The following AFF1 variants were observed in gnomAD, a reference collection of about 807,000 sequenced individuals.
AFF1 encodes the protein ALF transcription elongation factor 1.
Under a neutral mutation model 121.7 loss-of-function variants are expected in AFF1, and 48 were observed. That is an observed-to-expected ratio of 0.39 (90% CI 0.31 to 0.50). The LOEUF (loss-of-function observed/expected upper bound fraction) is 0.50. Among genes scored for constraint, AFF1 ranks in the 20% least tolerant of loss-of-function variants. AFF1 has a pLI of 0.76. For missense variants in AFF1, 1,523 were observed against 1,511.7 expected, an observed-to-expected ratio of 1.01 and a Z score of -0.12; for synonymous variants, 613 against 563.0, an observed-to-expected ratio of 1.09 and a Z score of -1.26.
chr4:87,128,964 A>T (rs930398866), intron 16 of AFF1, among the ~76,000 whole-genome samples: 1 of 152,200 alleles, frequency 6.6e-6, no homozygotes, highest in African/African-American at 2.4e-5. Flanking sequence ...TCTAAAACTT[A>T]TCTTGACATT....
At chr4:87,114,312 G>T in intron 11 of AFF1, 55 bp from the exon 12 acceptor site, 2 of 1,468,830 alleles carry the variant, frequency 1.4e-6, no homozygotes, top group Admixed American at 4.9e-5. Context: ...TAACACAAAA[G>T]AATAATTTGT....
chr4:87,100,742 A>G lies in AFF1; in HGVS notation c.1284-4886A>G, dbSNP rs188234394. On this transcript the variant is annotated intron_variant, in intron 8 of 20. Transcript: ENST00000395146. ...ACGATAAACTTGATTGAATACCTAT[A>G]TACAGTATTTAATAGACATGGTTTA... Among the ~76,000 whole-genome samples, 219 of 152,318 alleles carry G rather than the reference A, an allele frequency of 1.4e-3. 1 individual carries two copies. The highest frequency in any genetic ancestry group is 2.2e-3 in the Non-Finnish European group (153 of 68,026).
At chr4:87,077,868 GT>G (rs1178580567) in intron 4 of AFF1, among the ~76,000 whole-genome samples, 21 of 152,276 alleles carry the variant, frequency 1.4e-4, no homozygotes, top group African/African-American at 4.8e-4. Context: ...ATGTACCATA[GT>G]TTTCATAGTC....
intron 4 of AFF1, among the ~76,000 whole-genome samples, chr4:87,050,469 C>T (rs966331397): frequency 2.6e-5 from 4 of 152,188 alleles, no homozygotes; most frequent in African/African-American, 9.7e-5. Context: ...CCTTCATTCT[C>T]TAGCCACCTA....
chr4:87,131,976 A>G, intron 18 of AFF1, 112 bp downstream of exon 18: 3 of 1,011,766 alleles, frequency 3.0e-6, no homozygotes, highest in Non-Finnish European at 4.2e-6. Context: ...AAAGCAAGTC[A>G]GTACTTTGGT....
At chr4:86,967,337 G>C (rs1180363471) in intron 2 of AFF1, among the ~76,000 whole-genome samples, 9 of 152,130 alleles carry the variant, frequency 5.9e-5, no homozygotes, top group Admixed American at 5.9e-4. Flanking sequence ...CAAAACAGAA[G>C]TAAACCGTAG....
chr4:86,945,855 A>G (rs1019061214), intron 1 of AFF1, among the ~76,000 whole-genome samples: 2 of 152,176 alleles, frequency 1.3e-5, no homozygotes, highest in Non-Finnish European at 2.9e-5. Context: ...GCCCTTTTAA[A>G]TCTCCTGCTC....
intron 2 of AFF1, among the ~76,000 whole-genome samples, chr4:87,019,664 A>G (rs1578075495): frequency 6.6e-6 from 1 of 152,250 alleles, no homozygotes; most frequent in Non-Finnish European, 1.5e-5. Flanking sequence ...CAGGGAGGGC[A>G]TGGAAGCACC....
At chr4:87,092,694 C>T (rs1387625221) in intron 7 of AFF1, among the ~76,000 whole-genome samples, 1 of 152,020 alleles carries the variant, frequency 6.6e-6, no homozygotes, top group African/African-American at 2.4e-5. Flanking sequence ...ATTTGCTGTT[C>T]CCTGCTGTAG....
At chr4:87,043,507 A>G (rs1730365954) in intron 2 of AFF1, among the ~76,000 whole-genome samples, 1 of 152,236 alleles carries the variant, frequency 6.6e-6, no homozygotes, top group Non-Finnish European at 1.5e-5. Flanking sequence ...TGCTAATGGC[A>G]TATGATCTTT....
intron 4 of AFF1, among the ~76,000 whole-genome samples, chr4:87,072,378 AAAAATTT>A (rs1268231022): frequency 2.0e-5 from 3 of 151,768 alleles, no homozygotes; most frequent in African/African-American, 7.3e-5. Flanking sequence ...AAAAAAAAAA[AAAAATTT>A]AAATTCAGAA....
At chr4:87,092,959 C>A (rs1439086403) in intron 7 of AFF1, among the ~76,000 whole-genome samples, 1 of 152,126 alleles carries the variant, frequency 6.6e-6, no homozygotes, top group Non-Finnish European at 1.5e-5. Context: ...ACCACTCTGC[C>A]CCCACCTTCG....
intron 2 of AFF1, chr4:86,973,958 A>G (rs1354875430): frequency 6.6e-6 from 1 of 152,210 alleles, no homozygotes; most frequent in Non-Finnish European, 1.5e-5. Flanking sequence ...ATAAGCACAC[A>G]GCCAGATTGT....
chr4:87,017,011 T>A (rs1257998647), intron 2 of AFF1, among the ~76,000 whole-genome samples: 3 of 152,238 alleles, frequency 2.0e-5, no homozygotes, highest in Middle Eastern at 3.4e-3. Context: ...CCCAATTTTT[T>A]AAAAAATTGT....
At chr4:87,045,999 C>T (rs1402593280) in intron 2 of AFF1, among the ~76,000 whole-genome samples, 167 bp from the exon 3 acceptor site, 5 of 152,178 alleles carry the variant, frequency 3.3e-5, no homozygotes, top group African/African-American at 1.2e-4. Context: ...ACTGAGGCCT[C>T]ACCCTAAGGC....
intron 10 of AFF1, among the ~76,000 whole-genome samples, chr4:87,107,382 TCTTA>T (rs1726019610): frequency 6.6e-6 from 1 of 152,242 alleles, no homozygotes; most frequent in Admixed American, 6.5e-5. Context: ...CAATGTGTTT[TCTTA>T]CTAACTTAGA....
chr4:87,095,117 T>A, intron 8 of AFF1, 148 bp downstream of exon 8: 1 of 792,626 alleles, frequency 1.3e-6, no homozygotes, highest in Middle Eastern at 3.7e-4. Flanking sequence ...CCACATTAAT[T>A]TTTTTTGCTT....
intron 4 of AFF1, among the ~76,000 whole-genome samples, chr4:87,066,731 G>C (rs1721386815): frequency 6.6e-6 from 1 of 152,080 alleles, no homozygotes; most frequent in Non-Finnish European, 1.5e-5. Flanking sequence ...CTAATAAATG[G>C]CTTGACTTGA....
intron 4 of AFF1, among the ~76,000 whole-genome samples, chr4:87,062,287 A>G (rs1720860752): frequency 6.6e-6 from 1 of 152,206 alleles, no homozygotes; most frequent in Non-Finnish European, 1.5e-5. Flanking sequence ...TCTGCCTCCA[A>G]GATGGTGTAT....
Sources: gnomAD v4.1 joint callset for allele counts (sites outside exome capture counted in the v4.1 genomes callset) on GRCh38, gnomAD v4.1.1 for gene constraint, MANE v1.5 for transcripts, NCBI Gene and HGNC (gene_info 2026-07-23, HGNC 2026-07-21) for gene names.